Variants in ATP9A observed in about 807,000 individuals in gnomAD.
The protein encoded by ATP9A is probable phospholipid-transporting ATPase IIA.
In ATP9A, 52 loss-of-function variants were observed where a neutral mutation model predicts 144.1. The ratio of observed to expected loss-of-function variants is 0.36; its 90% confidence interval spans 0.29 to 0.45. The LOEUF (loss-of-function observed/expected upper bound fraction) is 0.45, where lower values mean the gene tolerates loss of function less well. ATP9A is among the 20% of genes least tolerant of loss of function. ATP9A has a pLI of 1.00. For synonymous variants in ATP9A, 582 were observed against 557.4 expected (o/e 1.04, Z -0.62); for missense variants, 947 against 1,392.7 (o/e 0.68, Z 5.09).
chr20:51,763,488 A>AT (rs1374792274), intron 1 of ATP9A, among the ~76,000 whole-genome samples: 1 of 151,344 alleles, frequency 6.6e-6, no homozygotes. Flanking sequence ...AATTTTTTGT[A>AT]TTTTTAGTAG....
intron 1 of ATP9A, among the ~76,000 whole-genome samples, chr20:51,741,880 C>T (rs545207522): frequency 3.0e-4 from 45 of 152,260 alleles, no homozygotes; most frequent in African/African-American, 1.1e-3. Context: ...AAGGATGCTG[C>T]GAGACACCTT....
At chr20:51,673,199 C>A (rs184710347) in intron 11 of ATP9A, among the ~76,000 whole-genome samples, 1 of 151,968 alleles carries the variant, frequency 6.6e-6, no homozygotes, top group Non-Finnish European at 1.5e-5. Context: ...CATGGTGAAA[C>A]CCCAACTCTA....
chr20:51,610,516 AG>A (rs1430622964), intron 23 of ATP9A, among the ~76,000 whole-genome samples: 2 of 152,186 alleles, frequency 1.3e-5, no homozygotes, highest in Admixed American at 6.5e-5. Flanking sequence ...ATTAAGTTCC[AG>A]GACCCAGGAA....
At chr20:51,620,444 C>T (rs2077221979) in intron 19 of ATP9A, among the ~76,000 whole-genome samples, 1 of 152,122 alleles carries the variant, frequency 6.6e-6, no homozygotes, top group African/African-American at 2.4e-5. Context: ...GTTTTTGCCC[C>T]TGGTTGCAAT....
chr20:51,736,244 G>A (rs2077762145), intron 1 of ATP9A, among the ~76,000 whole-genome samples: 1 of 152,216 alleles, frequency 6.6e-6, no homozygotes, highest in East Asian at 1.9e-4. Context: ...GGACAAGGAG[G>A]GAGGAGATGG....
intron 5 of ATP9A, 133 bp from the exon 6 acceptor site, chr20:51,696,277 T>C (rs1601110910): frequency 1.5e-6 from 1 of 652,900 alleles, no homozygotes; most frequent in South Asian, 2.2e-5. Context: ...ACAGACTCTT[T>C]TACGTTTCTG....
intron 16 of ATP9A, among the ~76,000 whole-genome samples, chr20:51,628,124 C>T (rs1909796006): frequency 1.3e-5 from 2 of 152,184 alleles, no homozygotes; most frequent in African/African-American, 4.8e-5. Context: ...GTTTTACACG[C>T]AAAGTGCAAC....
rs778649378 is a variant in ATP9A, at chr20:51,625,222, C to A, written c.1986G>T (p.Thr662=). 37 of 1,613,476 alleles carry A rather than the reference C, an allele frequency of 2.3e-5. No homozygotes were observed. The highest frequency in any genetic ancestry group is 3.0e-5 in the Non-Finnish European group (35 of 1,179,956). ...EDQLQADVRP[T]LETLRNAGIK... ...TGCCAGCATTCCTCAGGGTCTCCAG[C>A]GTGGGCCGCACATCTGCCTGCAGCT... The change falls in exon 18 of 28, where the codon ACG becomes ACT. Residue 662 remains threonine (T), a synonymous_variant. Coordinates refer to ENST00000338821, the MANE Select transcript of ATP9A (RefSeq NM_006045.3).
intron 4 of ATP9A, among the ~76,000 whole-genome samples, chr20:51,709,765 T>C (rs1232780064): frequency 1.3e-5 from 2 of 152,208 alleles, no homozygotes; most frequent in Admixed American, 6.5e-5. Flanking sequence ...TCACAATTCA[T>C]GAATCTGGGT....
At chr20:51,671,896 T>G (rs1330674308) in intron 11 of ATP9A, among the ~76,000 whole-genome samples, 10 of 152,118 alleles carry the variant, frequency 6.6e-5, no homozygotes, top group Admixed American at 5.9e-4. Flanking sequence ...CCTCCCGGGT[T>G]CAAACGATTC....
chr20:51,667,004 T>TG (rs1331013552), intron 13 of ATP9A, among the ~76,000 whole-genome samples: 4 of 152,146 alleles, frequency 2.6e-5, no homozygotes, highest in Non-Finnish European at 5.9e-5. Flanking sequence ...CACTCTCACT[T>TG]GGGTAGATCT....
chr20:51,759,102 CTG>C (rs1409406937), intron 1 of ATP9A, among the ~76,000 whole-genome samples: 2 of 152,186 alleles, frequency 1.3e-5, no homozygotes, highest in Non-Finnish European at 2.9e-5. Context: ...GGGAGGACCT[CTG>C]TAACTGAAGG....
chr20:51,699,355 GAACTT>G (rs959170906), intron 4 of ATP9A, among the ~76,000 whole-genome samples: 2 of 105,694 alleles, frequency 1.9e-5, no homozygotes, highest in Non-Finnish European at 4.0e-5. Flanking sequence ...AAAAAAAAAA[GAACTT>G]AAAGACTTAA....
chr20:51,734,324 T>A (rs1402327548), intron 1 of ATP9A, among the ~76,000 whole-genome samples: 2 of 152,136 alleles, frequency 1.3e-5, no homozygotes, highest in Non-Finnish European at 2.9e-5. Flanking sequence ...GGATTCTGCC[T>A]TCATGACCCA....
chr20:51,689,202 T>C, intron 8 of ATP9A, 63 bp from the exon 9 acceptor site: 1 of 1,536,942 alleles, frequency 6.5e-7, no homozygotes, highest in Non-Finnish European at 9.0e-7. Context: ...CACAGGCTGC[T>C]TCTAGCATGG....
chr20:51,639,316 T>C, intron 15 of ATP9A, 27 bp downstream of exon 15: 2 of 1,601,356 alleles, frequency 1.2e-6, no homozygotes, highest in Non-Finnish European at 1.7e-6. Context: ...ACTTAAGCAC[T>C]TTAAGCCATG....
chr20:51,678,626 A>G (rs578125082), intron 9 of ATP9A, among the ~76,000 whole-genome samples: 2 of 152,288 alleles, frequency 1.3e-5, no homozygotes, highest in African/African-American at 4.8e-5. Context: ...CTGTCACCAC[A>G]GCAGATGGCT....
chr20:51,664,505 C>T (rs2077424377), intron 13 of ATP9A, among the ~76,000 whole-genome samples: 1 of 151,890 alleles, frequency 6.6e-6, no homozygotes, highest in Admixed American at 6.6e-5. Flanking sequence ...GGAAGATCAC[C>T]TGAGCCTGAG....
chr20:51,725,545 C>T (rs2077708536), intron 3 of ATP9A, among the ~76,000 whole-genome samples: 1 of 152,168 alleles, frequency 6.6e-6, no homozygotes. Context: ...GTGCCATATA[C>T]AATAAACATA....
Sources: allele counts gnomAD v4.1 joint callset (sites outside exome capture counted in the v4.1 genomes callset), GRCh38; gene constraint gnomAD v4.1.1; transcripts MANE v1.5; gene names NCBI Gene and HGNC (gene_info 2026-07-23, HGNC 2026-07-21).